Variants in LUZP2 observed in about 807,000 individuals in gnomAD.
LUZP2 encodes the protein leucine zipper protein 2.
A neutral mutation model predicts 51.6 loss-of-function variants in LUZP2; 52 were observed. The ratio of observed to expected loss-of-function variants is 1.01; its 90% CI spans 0.81 to 1.27. The LOEUF is 1.27. Among genes scored for constraint, LUZP2 ranks in the 50% most tolerant of loss-of-function variants. LUZP2 has a pLI of 0.00. For missense variants in LUZP2, 436 were observed against 395.4 expected (o/e 1.10, Z -0.87); for synonymous variants, 154 against 137.3 (o/e 1.12, Z -0.85).
intron 9 of LUZP2, among the ~76,000 whole-genome samples, chr11:25,006,003 C>T (rs937171488): frequency 6.6e-6 from 1 of 152,076 alleles, no homozygotes. Context: ...AGATTGATGC[C>T]TTATGTCCTT....
intron 1 of LUZP2, among the ~76,000 whole-genome samples, chr11:24,547,185 A>G (rs905986282): frequency 1.7e-5 from 2 of 120,950 alleles, no homozygotes; most frequent in Non-Finnish European, 3.4e-5. Flanking sequence ...CTGTCCAAAA[A>G]CATTCTTTAC....
At chr11:24,596,728 A>G (rs1305522460) in intron 1 of LUZP2, among the ~76,000 whole-genome samples, 4 of 152,158 alleles carry the variant, frequency 2.6e-5, no homozygotes, top group Admixed American at 2.6e-4. Flanking sequence ...TGCCTCAGAG[A>G]GTCTAAAAAA....
At chr11:24,956,543 G>T (rs1052054591) in intron 7 of LUZP2, among the ~76,000 whole-genome samples, 2 of 152,064 alleles carry the variant, frequency 1.3e-5, no homozygotes, top group Admixed American at 6.6e-5. Flanking sequence ...TGTTTTGGAG[G>T]AATCAGAAAC....
chr11:24,764,216 C>T (rs1860094719), intron 5 of LUZP2, among the ~76,000 whole-genome samples: 1 of 152,108 alleles, frequency 6.6e-6, no homozygotes, highest in African/African-American at 2.4e-5. Flanking sequence ...TGGGCGCGTA[C>T]ACACACAATC....
chr11:24,521,484 G>A (rs1305487484), intron 1 of LUZP2, among the ~76,000 whole-genome samples: 2 of 151,906 alleles, frequency 1.3e-5, no homozygotes, highest in African/African-American at 4.8e-5. Context: ...TGTTTCTTAG[G>A]GAGAAAAATT....
chr11:24,886,505 C>T (rs1852670601), intron 5 of LUZP2, among the ~76,000 whole-genome samples: 1 of 152,120 alleles, frequency 6.6e-6, no homozygotes, highest in Non-Finnish European at 1.5e-5. Flanking sequence ...ACTGCCAATC[C>T]TTTCTAGCTG....
rs76241766 is a variant in LUZP2, at chr11:25,035,134, G to T, written c.766-14904G>T. ...CCCCTGAAAACTGGAACAACGCAAGGATGCTCATTCTCACCACTGATATGC... is the reference window on the plus strand; with the variant it reads ...CCCCTGAAAACTGGAACAACGCAAGTATGCTCATTCTCACCACTGATATGC... On this transcript the variant is annotated intron_variant, in intron 9 of 11. Transcript: ENST00000336930. 6.8e-3 allele frequency among the ~76,000 whole-genome samples: 1,033 copies of T among 152,130 alleles called. 34 individuals carry two copies. The East Asian group carries it at 0.099, about 15-fold the overall frequency.
intron 3 of LUZP2, among the ~76,000 whole-genome samples, chr11:24,735,069 G>C (rs1858881387): frequency 6.6e-6 from 1 of 151,940 alleles, no homozygotes; most frequent in Admixed American, 6.6e-5. Flanking sequence ...CAACTAATAA[G>C]TCTTTCTGTG....
intron 5 of LUZP2, among the ~76,000 whole-genome samples, chr11:24,830,628 C>G (rs1850670784): frequency 6.6e-6 from 1 of 152,098 alleles, no homozygotes; most frequent in Non-Finnish European, 1.5e-5. Context: ...TTTAAAATAG[C>G]TACTATTATT....
intron 5 of LUZP2, among the ~76,000 whole-genome samples, chr11:24,841,162 G>A (rs2029195): frequency 0.76 from 115,477 of 151,682 alleles, 45,193 homozygotes; most frequent in South Asian, 0.86. Flanking sequence ...TTGGGAGGTA[G>A]TTAGGTCTAG....
chr11:24,949,642 C>A (rs776082140), intron 7 of LUZP2, among the ~76,000 whole-genome samples: 1 of 151,442 alleles, frequency 6.6e-6, no homozygotes, highest in Non-Finnish European at 1.5e-5. Flanking sequence ...TCAGAGGCAG[C>A]GGTTCGTAAT....
intron 1 of LUZP2, among the ~76,000 whole-genome samples, chr11:24,583,554 C>T (rs1852949486): frequency 6.6e-6 from 1 of 152,074 alleles, no homozygotes; most frequent in Non-Finnish European, 1.5e-5. Context: ...ACCCCATGCC[C>T]AACACACCTA....
intron 7 of LUZP2, among the ~76,000 whole-genome samples, chr11:24,948,683 G>C (rs753485527): frequency 3.3e-5 from 5 of 151,726 alleles, no homozygotes; most frequent in Non-Finnish European, 7.4e-5. Flanking sequence ...AGAACCTTGT[G>C]AACCCACCGC....
At chr11:24,602,040 CTGTATATATGTGTATATATG>C (rs1218371038) in intron 1 of LUZP2, among the ~76,000 whole-genome samples, 2 of 91,536 alleles carry the variant, frequency 2.2e-5, no homozygotes, top group Non-Finnish European at 4.9e-5. Context: ...ATATGTATAT[CTGTATATATGTGTATATATG>C]TGTATATATA....
chr11:24,659,001 A>G (rs1194618669), intron 1 of LUZP2, among the ~76,000 whole-genome samples: 2 of 151,582 alleles, frequency 1.3e-5, no homozygotes, highest in African/African-American at 4.8e-5. Flanking sequence ...ACCATTGTGG[A>G]AGTCAGTGTG....
chr11:24,788,180 A>ATTTTTTTTTTTTTTT (rs61308017), intron 5 of LUZP2, among the ~76,000 whole-genome samples: 22 of 83,396 alleles, frequency 2.6e-4, no homozygotes, highest in African/African-American at 4.0e-4. Flanking sequence ...TTTGTTTTTA[A>ATTTTTTTTTTTTTTT]TTTTTTTTTT....
chr11:25,007,452 A>G (rs1434677365), intron 9 of LUZP2, among the ~76,000 whole-genome samples: 1 of 152,126 alleles, frequency 6.6e-6, no homozygotes, highest in Non-Finnish European at 1.5e-5. Flanking sequence ...AAAATACAAA[A>G]ATAAGCTGGG....
chr11:24,794,588 A>G (rs1849500313), intron 5 of LUZP2, among the ~76,000 whole-genome samples: 1 of 152,190 alleles, frequency 6.6e-6, no homozygotes, highest in South Asian at 2.1e-4. Flanking sequence ...TTGATATCTG[A>G]CACTTTAGAA....
intron 1 of LUZP2, among the ~76,000 whole-genome samples, chr11:24,517,186 A>G (rs185749656): frequency 7.2e-5 from 11 of 152,254 alleles, no homozygotes; most frequent in African/African-American, 2.6e-4. Flanking sequence ...GCTAAAGGTT[A>G]AAAATATTGT....
Sources: gnomAD v4.1 joint callset for allele counts (sites outside exome capture counted in the v4.1 genomes callset) on GRCh38, gnomAD v4.1.1 for gene constraint, MANE v1.5 for transcripts, NCBI Gene and HGNC (gene_info 2026-07-23, HGNC 2026-07-21) for gene names.